WDFY3: variants seen among roughly 807,000 people sequenced by gnomAD.
The protein encoded by WDFY3 is WD repeat and FYVE domain containing 3, also known as WD repeat and FYVE domain-containing protein 3.
Under a neutral mutation model 409.6 loss-of-function variants are expected in WDFY3, and 66 were observed. The ratio of observed to expected loss-of-function variants is 0.16; its 90% confidence interval spans 0.13 to 0.20. WDFY3 has a LOEUF of 0.20. Ranked by LOEUF, WDFY3 falls within the 10% of genes least tolerant of loss-of-function variation. The probability of loss-of-function intolerance (pLI) is 1.00; values close to 1 mark genes in which losing one functional copy is unlikely to be tolerated. For synonymous variants in WDFY3, 1,521 were observed against 1,537.1 expected, an observed-to-expected ratio of 0.99 and a Z score of 0.25; for missense variants, 3,031 against 4,298.1, an observed-to-expected ratio of 0.71 and a Z score of 8.24.
chr4:84,849,147 T>C (rs1235793672), intron 5 of WDFY3, among the ~76,000 whole-genome samples: 1 of 151,892 alleles, frequency 6.6e-6, no homozygotes, highest in Non-Finnish European at 1.5e-5. Flanking sequence ...GGAAACAGAA[T>C]CCACCCCCAA....
At chr4:84,775,787 G>T (rs1745450332) in intron 27 of WDFY3, among the ~76,000 whole-genome samples, 1 of 151,654 alleles carries the variant, frequency 6.6e-6, no homozygotes, top group African/African-American at 2.4e-5. Context: ...ACATTAAGTG[G>T]ACAAAGGGGA....
At chr4:84,774,594 TC>T (rs1309130154) in intron 29 of WDFY3, among the ~76,000 whole-genome samples, 1 of 152,226 alleles carries the variant, frequency 6.6e-6, no homozygotes, top group African/African-American at 2.4e-5. Context: ...CTACATCTTT[TC>T]TCACCAATAT....
chr4:84,749,242 C>T (rs1228683903), intron 36 of WDFY3, among the ~76,000 whole-genome samples: 1 of 152,072 alleles, frequency 6.6e-6, no homozygotes, highest in Non-Finnish European at 1.5e-5. Flanking sequence ...TCATAATTTT[C>T]AAAATCATAT....
chr4:84,737,555 C>A (rs1737662063), intron 40 of WDFY3, among the ~76,000 whole-genome samples, 189 bp from the exon 41 acceptor site: 1 of 151,642 alleles, frequency 6.6e-6, no homozygotes, highest in Admixed American at 6.6e-5. Flanking sequence ...ACTGTGGTTG[C>A]CTATTTAGAA....
In WDFY3 at chr4:84,774,809, G is replaced by A. The variant is rs1295818068; in HGVS notation, c.4754+11C>T. 1 of 1,582,078 alleles carries A rather than the reference G, an allele frequency of 6.3e-7. No homozygotes were observed. The highest frequency in any genetic ancestry group is 2.2e-5 in the East Asian group (1 of 44,652). On this transcript the variant is annotated intron_variant, in intron 29 of 67. Coordinates refer to ENST00000295888, the MANE Select transcript of WDFY3 (RefSeq NM_014991.6). ...TTAATAAAAAGACAAAGACAAAGAA[G>A]TTTTTCCTACCTGAGCAGATCATTG...
chr4:84,724,285 T>C (rs1735301738), intron 46 of WDFY3, 141 bp downstream of exon 46: 1 of 916,314 alleles, frequency 1.1e-6, no homozygotes, highest in South Asian at 2.4e-5. Context: ...AATCAATCTT[T>C]AAGAAGGGTG....
chr4:84,757,122 A>C lies in WDFY3; in HGVS notation c.5228T>G (p.Val1743Gly). ...VGRSAGGRST[V>G]REINRDACHF... Reference sequence around the variant, plus strand: ...ACAAGCATCTCGGTTAATCTCCCTGACCGTCGATCTCCCACCAGCACTTCT... The same window carrying C: ...ACAAGCATCTCGGTTAATCTCCCTGCCCGTCGATCTCCCACCAGCACTTCT... Residue 1743 changes from valine (V) to glycine (G), a missense_variant, in exon 33 of 68, where the codon GTC (valine) becomes GGC (glycine). Transcript: ENST00000295888. The C allele has an allele frequency of 6.2e-7, 1 of 1,614,108 alleles. No homozygotes were observed. Among genetic ancestry groups the C allele is most frequent in the Non-Finnish European group, 8.5e-7 (1 of 1,179,954 alleles).
intron 1 of WDFY3, among the ~76,000 whole-genome samples, chr4:84,945,849 T>C (rs548653754): frequency 1.1e-3 from 165 of 152,246 alleles, no homozygotes; most frequent in African/African-American, 3.8e-3. Context: ...ATGAAATACT[T>C]ATACCAAGAA....
At chr4:84,736,423 G>C in intron 41 of WDFY3, 96 bp from the exon 42 acceptor site, 3 of 1,133,588 alleles carry the variant, frequency 2.6e-6, no homozygotes, top group Non-Finnish European at 2.4e-6. Flanking sequence ...CAACCCTGTA[G>C]TTAACAAAAG....
intron 5 of WDFY3, among the ~76,000 whole-genome samples, chr4:84,848,984 A>G (rs770469026): frequency 2.0e-5 from 3 of 152,240 alleles, no homozygotes; most frequent in Admixed American, 6.5e-5. Context: ...TGAAAAGAAA[A>G]GAACCCATTT....
rs1760484006 is a variant in WDFY3, at chr4:84,860,693, AG to A, written c.-31-72del. On this transcript the variant is annotated intron_variant, in intron 3 of 67. Transcript: ENST00000295888. The stretch of plus-strand genomic sequence containing the variant: ...TGACTAGGTCAAGCATGCATGTAAG[AG>A]CTTATAAGAAATTTGCAAAATAGAA... The A allele has an allele frequency of 1.4e-5, 17 of 1,253,162 alleles. No individual in the cohort carries two copies. In the South Asian group the frequency reaches 3.8e-4, roughly 28 times the overall value. The allele number at this position is 1,253,162 out of a possible 1,614,324, so 77.6% of individuals were successfully genotyped here. A position where few individuals can be genotyped will look rare whatever the true frequency, so the allele number is the denominator to read the frequency against.
At chr4:84,727,063 C>G (rs1735779207) in intron 44 of WDFY3, 152 bp from the exon 45 acceptor site, 1 of 659,526 alleles carries the variant, frequency 1.5e-6, no homozygotes, top group Non-Finnish European at 2.5e-6. Context: ...TAAATAATCA[C>G]TAAGCATCTT....
chr4:84,907,886 C>T (rs572059857), intron 2 of WDFY3, among the ~76,000 whole-genome samples: 53 of 152,080 alleles, frequency 3.5e-4, no homozygotes, highest in African/African-American at 1.3e-3. Context: ...GAAGGCCCTA[C>T]CTCAACACCC....
At chr4:84,929,910 TAAAA>T (rs75325995) in intron 2 of WDFY3, among the ~76,000 whole-genome samples, 1 of 140,268 alleles carries the variant, frequency 7.1e-6, no homozygotes, top group Admixed American at 7.2e-5. Flanking sequence ...AAACTTCGCT[TAAAA>T]AAAAAAAAAA....
At chr4:84,868,302 T>C (rs1411073045) in intron 3 of WDFY3, among the ~76,000 whole-genome samples, 3 of 150,892 alleles carry the variant, frequency 2.0e-5, no homozygotes, top group African/African-American at 4.9e-5. Flanking sequence ...AAACCTCTTA[T>C]ACTTTTTAAG....
At chr4:84,677,647 T>A (rs1726534337) in intron 66 of WDFY3, among the ~76,000 whole-genome samples, 1 of 152,120 alleles carries the variant, frequency 6.6e-6, no homozygotes, top group Non-Finnish European at 1.5e-5. Context: ...AAGCAGTTTT[T>A]CACTTTTTAA....
At chr4:84,898,182 T>G (rs1055220368) in intron 2 of WDFY3, among the ~76,000 whole-genome samples, 1 of 152,238 alleles carries the variant, frequency 6.6e-6, no homozygotes, top group African/African-American at 2.4e-5. Flanking sequence ...ATGTGTCTAG[T>G]GACTACTGTA....
intron 3 of WDFY3, among the ~76,000 whole-genome samples, chr4:84,865,295 G>T (rs1761228686): frequency 6.6e-6 from 1 of 152,090 alleles, no homozygotes; most frequent in South Asian, 2.1e-4. Context: ...TATTTTATCA[G>T]ATACAAAAGG....
chr4:84,943,776 G>C (rs1160823803), intron 1 of WDFY3, among the ~76,000 whole-genome samples: 1 of 152,124 alleles, frequency 6.6e-6, no homozygotes, highest in Admixed American at 6.5e-5. Context: ...AATAGCCTAA[G>C]GGTGATACAA....
Sources: allele counts gnomAD v4.1 joint callset (sites outside exome capture counted in the v4.1 genomes callset), GRCh38; gene constraint gnomAD v4.1.1; transcripts MANE v1.5; gene names NCBI Gene and HGNC (gene_info 2026-07-23, HGNC 2026-07-21).